ARSG: variants seen among roughly 807,000 people sequenced by gnomAD.
ARSG encodes the protein arylsulfatase G, also known as ASG.
ARSG carries 37 observed loss-of-function variants against 50.5 expected under a neutral mutation model. That is an observed-to-expected ratio of 0.73 (90% CI 0.56 to 0.96). The LOEUF (loss-of-function observed/expected upper bound fraction) is 0.96. Among genes scored for constraint, ARSG ranks in the 50% least tolerant of loss-of-function variants. ARSG has a pLI of 0.00. For missense variants in ARSG, 629 were observed against 675.3 expected (o/e 0.93, Z 0.76); for synonymous variants, 225 against 254.6 (o/e 0.88, Z 1.11).
chr17:68,319,468 C>G (rs1249636141), intron 2 of ARSG, among the ~76,000 whole-genome samples: 1 of 152,144 alleles, frequency 6.6e-6, no homozygotes, highest in Non-Finnish European at 1.5e-5. Flanking sequence ...CCTCATGGCT[C>G]TGTTTGATAG....
At chr17:68,410,560 TC>T (rs2081954225) in intron 11 of ARSG, among the ~76,000 whole-genome samples, 1 of 152,046 alleles carries the variant, frequency 6.6e-6, no homozygotes, top group African/African-American at 2.4e-5. Flanking sequence ...TCAATGTTCA[TC>T]AAGGATATTG....
intron 1 of ARSG, among the ~76,000 whole-genome samples, chr17:68,275,997 TTAA>T (rs2075504723): frequency 1.3e-5 from 2 of 149,650 alleles, no homozygotes; most frequent in Non-Finnish European, 3.0e-5. Context: ...AAAAAAAAAA[TTAA>T]GTTATCTTGA....
chr17:68,407,252 A>G (rs1280311881), intron 11 of ARSG, among the ~76,000 whole-genome samples: 3 of 152,096 alleles, frequency 2.0e-5, no homozygotes, highest in Admixed American at 6.5e-5. Context: ...TACCAGTACT[A>G]TGCTGTTTTG....
chr17:68,346,774 G>A (rs1458700388), intron 3 of ARSG: 1 of 1,303,214 alleles, frequency 7.7e-7, no homozygotes, highest in Non-Finnish European at 1.0e-6. Context: ...GCCTTTGCAG[G>A]GCCCCAGCGC....
chr17:68,394,442 A>T (rs751917442), intron 9 of ARSG, among the ~76,000 whole-genome samples: 20 of 152,050 alleles, frequency 1.3e-4, no homozygotes, highest in South Asian at 4.1e-4. Flanking sequence ...TCTCTACAAA[A>T]AAATAAATAA....
rs1388073094 is a variant in ARSG at position 68,381,633 on chromosome 17, T to C, written c.983-3431T>C. On this transcript the variant is annotated intron_variant, in intron 8 of 11. Transcript: ENST00000621439. This position sits in a 1 kb window ranked among gnomAD's most constrained non-coding sequence, Gnocchi z 4.1. ...GTCGTGGGCAACAGAAAGCCTGCAG[T>C]GACGATGACTATTAGCTACATTTAA... is the stretch of plus-strand genomic sequence containing the variant. Among the ~76,000 whole-genome samples, 1 of 152,222 alleles carries C rather than the reference T, an allele frequency of 6.6e-6. No homozygotes were observed. Among genetic ancestry groups the C allele is most frequent in the Non-Finnish European group, 1.5e-5 (1 of 68,046 alleles).
chr17:68,402,426 G>A (rs916653948), intron 11 of ARSG, among the ~76,000 whole-genome samples: 12 of 151,510 alleles, frequency 7.9e-5, no homozygotes, highest in Admixed American at 2.6e-4. Context: ...TTAATTTTTA[G>A]TAGAGACTGT....
chr17:68,361,493 T>G (rs563532169), intron 6 of ARSG, among the ~76,000 whole-genome samples: 1 of 150,866 alleles, frequency 6.6e-6, no homozygotes, highest in South Asian at 2.1e-4. Context: ...GGTAGGAGAT[T>G]GCTTGAGCTC....
the ARSG span, chr17:68,433,550 A>C: frequency 6.2e-7 from 1 of 1,613,788 alleles, no homozygotes; most frequent in South Asian, 1.1e-5. Context: ...TCCATACTGA[A>C]CACTAGAGAG....
chr17:68,379,189 T>C (rs368561176), intron 8 of ARSG, among the ~76,000 whole-genome samples: 20 of 152,298 alleles, frequency 1.3e-4, no homozygotes, highest in African/African-American at 4.6e-4. Context: ...ACGAGTACAC[T>C]GTAGGCATCC....
At chr17:68,441,259 C>T in the ARSG span, among the ~76,000 whole-genome samples, 4 of 152,200 alleles carry the variant, frequency 2.6e-5, no homozygotes, top group East Asian at 1.9e-4. Context: ...TCTGACACAA[C>T]AGGAACGGGC....
Position 68,343,608 on chromosome 17 carries a change from G to A in ARSG, c.223G>A (p.Val75Met), listed in dbSNP as rs1387655884. Residue 75 changes from valine (V) to methionine (M), a missense_variant, in exon 3 of 12, where the codon GTG becomes ATG. Physicochemically the swap from Val to Met is conservative, Grantham distance 21. Transcript: ENST00000621439. The part of the protein sequence containing the change: ...DKMASEGMRF[V>M]DFHAAASTCS... ...ACCACTGTCCTTTCCCTGCAGGTTT[G>A]TGGATTTCCATGCAGCTGCCTCCAC... 1 of 1,608,036 alleles carries A rather than the reference G, an allele frequency of 6.2e-7. No homozygotes were observed. The highest frequency in any genetic ancestry group is 8.5e-7 in the Non-Finnish European group (1 of 1,176,200).
At chr17:68,278,265 G>A (rs1555751682) in intron 1 of ARSG, 1 of 1,614,108 alleles carries the variant, frequency 6.2e-7, no homozygotes, top group East Asian at 2.2e-5. Context: ...TCCTCCATCA[G>A]GCACTTCAGT....
Position 68,368,411 on chromosome 17 carries a change from G to T in ARSG, c.705-137G>T, listed in dbSNP as rs562875093. 11 of 715,638 alleles carry T rather than the reference G, an allele frequency of 1.5e-5. No homozygotes were observed. The South Asian group carries it at 1.8e-4, about 12-fold the overall frequency. 44.3% of individuals were successfully genotyped at this position (715,638 alleles called of 1,614,324 possible). A position where few individuals can be genotyped will look rare whatever the true frequency, so the allele number is the denominator to read the frequency against. On this transcript the variant is annotated intron_variant, in intron 6 of 11. Coordinates refer to ENST00000621439, the MANE Select transcript of ARSG (RefSeq NM_001267727.2). ...CTTTCACATTTCCTTGGAAGATTCT[G>T]GATAAATGTGTCCTTCTTGAGCCCG...
downstream of ARSG, chr17:68,422,810 T>G (rs2082893593): frequency 1.3e-5 from 2 of 151,174 alleles, no homozygotes; most frequent in Admixed American, 6.6e-5. Flanking sequence ...CTCACAAGAT[T>G]GGGACTAGTC....
chr17:68,449,134 C>T, the ARSG span, among the ~76,000 whole-genome samples: 1 of 152,158 alleles, frequency 6.6e-6, no homozygotes, highest in South Asian at 2.1e-4. Flanking sequence ...CAGAAGAAAA[C>T]ATTGTCCTCA....
intron 7 of ARSG, among the ~76,000 whole-genome samples, chr17:68,369,413 G>A (rs1388717379): frequency 6.6e-6 from 1 of 152,094 alleles, no homozygotes; most frequent in Admixed American, 6.6e-5. Context: ...ATTGGCACAC[G>A]CCTGTAGTCC....
intron 10 of ARSG, among the ~76,000 whole-genome samples, 165 bp downstream of exon 10, chr17:68,395,358 C>T (rs968269484): frequency 1.3e-4 from 20 of 152,310 alleles, no homozygotes; most frequent in Non-Finnish European, 1.5e-4. Context: ...GAGACCAAGG[C>T]GGGCTGATCA....
rs192377282 is a variant in ARSG at position 68,350,707 on chromosome 17, C to T, written c.455-868C>T. Among the ~76,000 whole-genome samples the T allele has an allele frequency of 3.0e-3, 450 of 152,266 alleles. 3 individuals carry two copies. The highest frequency in any genetic ancestry group is 0.011 in the African/African-American group (437 of 41,538). ...GGCTGAGGCAGGAGAATGGCATGAA[C>T]CTGGGAGGCGGAGCTTGCATTGAGC... On this transcript the variant is annotated intron_variant, in intron 4 of 11. Transcript: ENST00000621439.
Sources: allele counts gnomAD v4.1 joint callset (sites outside exome capture counted in the v4.1 genomes callset), GRCh38; gene constraint gnomAD v4.1.1; non-coding constraint Gnocchi (gnomAD v3.1); transcripts MANE v1.5; gene names NCBI Gene and HGNC (gene_info 2026-07-23, HGNC 2026-07-21).